The following OR2M4 variants were observed in gnomAD, a reference collection of about 807,000 sequenced individuals.
OR2M4 encodes olfactory receptor 2M4.
OR2M4 carries 8 observed loss-of-function variants against 13.7 expected under a neutral mutation model. The observed-to-expected ratio is 0.58, with a 90% confidence interval of 0.34 to 1.05. The LOEUF is 1.05. Among genes scored for constraint, OR2M4 ranks in the 50% least tolerant of loss-of-function variants. The pLI, the probability that OR2M4 is intolerant of heterozygous loss-of-function variation, is 0.02. For synonymous variants in OR2M4, 152 were observed against 141.3 expected (o/e 1.08, Z -0.53); for missense variants, 374 against 381.6 (o/e 0.98, Z 0.17).
At chr1:248,238,678 C>T (rs1430008292) in intron 1 of OR2M4, among the ~76,000 whole-genome samples, 1 of 152,086 alleles carries the variant, frequency 6.6e-6, no homozygotes, top group Non-Finnish European at 1.5e-5. Context: ...GCATTCTTGT[C>T]TGTAAAGTAA....
At chr1:248,235,710 C>T in intron 1 of OR2M4, among the ~76,000 whole-genome samples, 1 of 152,086 alleles carries the variant, frequency 6.6e-6, no homozygotes, top group African/African-American at 2.4e-5. Flanking sequence ...TGAAGGGGCC[C>T]TTCACATCCC....
At chr1:248,232,944 G>T (rs78349212) in intron 1 of OR2M4, among the ~76,000 whole-genome samples, 2,666 of 152,054 alleles carry the variant, frequency 0.018, 97 homozygotes, top group African/African-American at 0.06. Flanking sequence ...TTATTCTCTA[G>T]TTCAACATTT....
At chr1:248,238,776 T>G (rs1233879198) in intron 1 of OR2M4, 134 bp from the exon 2 acceptor site, 12 of 595,460 alleles carry the variant, frequency 2.0e-5, no homozygotes, top group Non-Finnish European at 3.3e-5. Context: ...CAATTTACCA[T>G]GACTAAAGGA....
chr1:248,241,660 G>A lies in OR2M4; in HGVS notation c.*1796G>A, dbSNP rs12133646. 65,441 of 151,938 alleles carry A rather than the reference G, an allele frequency of 0.43. 16,023 individuals carry two copies. Among genetic ancestry groups the A allele is most frequent in the Non-Finnish European group, 0.55 (37,496 of 67,990 alleles). The allele number at this position is 151,938 out of a possible 1,614,324, so 9.4% of individuals were successfully genotyped here. ...TCCCAGCACTTTGGGAGGCCGAGGC[G>A]GGCAGATTATCTGAGGTTGGGAGTT... is the stretch of plus-strand genomic sequence containing the variant. On this transcript the variant is annotated 3_prime_UTR_variant, in exon 2 of 2. Coordinates refer to ENST00000641868, the MANE Select transcript of OR2M4 (RefSeq NM_017504.2).
In OR2M4 at chr1:248,239,886, T is replaced by C; in HGVS notation, c.*22T>C. ...ATGACCTTATCAAAATCTTTTTGAG[T>C]GCCTACTGTGGTCAACACTCATTCA... On this transcript the variant is annotated 3_prime_UTR_variant, in exon 2 of 2. Coordinates refer to ENST00000641868, the MANE Select transcript of OR2M4 (RefSeq NM_017504.2). 3.4e-6 allele frequency: 5 copies of C among 1,467,778 alleles called. No individual in the cohort carries two copies. Among genetic ancestry groups the C allele is most frequent in the Non-Finnish European group, 4.6e-6 (5 of 1,079,030 alleles). The allele number at this position is 1,467,778 out of a possible 1,614,324, so 90.9% of individuals were successfully genotyped here.
rs908256158 is a variant in OR2M4 at position 248,243,050 on chromosome 1, C to G, written c.*3186C>G. On this transcript the variant is annotated 3_prime_UTR_variant, in exon 2 of 2. Transcript: ENST00000641868. ...TGTTTTGAGTATGTTTGGGACATTG[C>G]GTATATGTGAATCTAATTTTTCAAC... 6.6e-6 allele frequency: 1 copy of G among 151,378 alleles called. No homozygotes were observed. Among genetic ancestry groups the G allele is most frequent in the Non-Finnish European group, 1.5e-5 (1 of 67,924 alleles). The allele number at this position is 151,378 out of a possible 1,614,324, so 9.4% of individuals were successfully genotyped here.
At chr1:248,234,573 A>G (rs886513971) in intron 1 of OR2M4, among the ~76,000 whole-genome samples, 4 of 152,098 alleles carry the variant, frequency 2.6e-5, no homozygotes, top group Admixed American at 1.3e-4. Context: ...TTCCCATTCT[A>G]TAGGTTGCCT....
chr1:248,236,795 A>C (rs1161538690), intron 1 of OR2M4, among the ~76,000 whole-genome samples: 2 of 152,156 alleles, frequency 1.3e-5, no homozygotes, highest in Non-Finnish European at 2.9e-5. Context: ...ACCTCTACAC[A>C]AAAAACTAGA....
intron 1 of OR2M4, among the ~76,000 whole-genome samples, chr1:248,235,945 CAG>C (rs1327306026): frequency 6.6e-6 from 1 of 152,110 alleles, no homozygotes; most frequent in Admixed American, 6.6e-5. Flanking sequence ...CATCTGCAAA[CAG>C]AGACAATTTG....
chr1:248,242,459 CATG>C lies in OR2M4; in HGVS notation c.*2596_*2598del, dbSNP rs1334568160. On this transcript the variant is annotated 3_prime_UTR_variant, in exon 2 of 2. Coordinates refer to ENST00000641868, the MANE Select transcript of OR2M4 (RefSeq NM_017504.2). ...ATTTTTAGTAGAGACGGGATTTCAC[CATG>C]TTGGCCAGGATGGTCTCAATCTCTT... 6.6e-6 allele frequency: 1 copy of C among 152,184 alleles called. No individual in the cohort carries two copies. Among genetic ancestry groups the C allele is most frequent in the African/African-American group, 2.4e-5 (1 of 41,384 alleles). 9.4% of individuals were successfully genotyped at this position (152,184 alleles called of 1,614,324 possible).
rs1211237783 is a variant in OR2M4, at chr1:248,239,529, A to G, written c.601A>G (p.Ile201Val). 2.5e-6 allele frequency: 4 copies of G among 1,613,878 alleles called. No homozygotes were observed. In the African/African-American group the frequency reaches 4.0e-5, roughly 16 times the overall value. Residue 201 changes from isoleucine (I) to valine (V), a missense_variant, in exon 2 of 2, where the codon ATT becomes GTT. Transcript: ENST00000641868. ...ATCTGCATTTGAAAGACTACTTGTC[A>G]TTTGTTGTGTGGTAATGCTAATCTT... Reference protein sequence around the residue: ...ETSAFERLLVICCVVMLIFPV... With the variant: ...ETSAFERLLVVCCVVMLIFPV...
Position 248,239,062 on chromosome 1 carries a change from T to C in OR2M4, c.134T>C (p.Met45Thr). ...CTGGCATTGATGGAAAATATTTCCA[T>C]GGTTCTCCTCATCTACATAGAGAAA... ...FSLALMENIS[M>T]VLLIYIEKQL... Residue 45 changes from methionine (M) to threonine (T), a missense_variant, in exon 2 of 2, where the codon ATG (methionine) becomes ACG (threonine). Met to Thr is a moderately conservative substitution (Grantham distance 81). Transcript: ENST00000641868. 6.2e-7 allele frequency: 1 copy of C among 1,614,098 alleles called. No individual in the cohort carries two copies. Among genetic ancestry groups the C allele is most frequent in the South Asian group, 1.1e-5 (1 of 91,074 alleles).
At position 248,239,600 on chromosome 1, in the gene OR2M4, C is replaced by T. The variant is rs370403998; in HGVS notation, c.672C>T (p.Ala224=). The T allele has an allele frequency of 1.3e-5, 21 of 1,613,944 alleles. No homozygotes were observed. The highest frequency in any genetic ancestry group is 6.6e-5 in the South Asian group (6 of 91,088). The change falls in exon 2 of 2, where the codon GCC becomes GCT. Residue 224 remains alanine, a synonymous_variant. Coordinates refer to ENST00000641868, the MANE Select transcript of OR2M4 (RefSeq NM_017504.2). The part of the protein sequence containing the change: ...IILSYSHVLR[A]VIHMGSGESR... ...TTTCCTATTCCCATGTCCTTCGAGC[C>T]GTCATCCACATGGGCTCTGGGGAAA... is the stretch of plus-strand genomic sequence containing the variant.
In OR2M4 at chr1:248,238,935, TG is replaced by T; in HGVS notation, c.10del (p.Glu4LysfsTer36). On this transcript the variant is annotated frameshift_variant, in exon 2 of 2. Coordinates refer to ENST00000641868, the MANE Select transcript of OR2M4 (RefSeq NM_017504.2). LOFTEE classifies it high-confidence loss of function. MV[W>X]ENQTFNSIFI... ...ATAAGGCAAATTATCCAGGATGGTG[TG>T]GGAAAACCAGACCTTCAACTCCATC... is the stretch of plus-strand genomic sequence containing the variant. 6.3e-7 allele frequency: 1 copy of T among 1,589,716 alleles called. No homozygotes were observed. Among genetic ancestry groups the T allele is most frequent in the Non-Finnish European group, 8.5e-7 (1 of 1,169,662 alleles).
rs1269154201 is a variant in OR2M4 at position 248,241,738 on chromosome 1, A to G, written c.*1874A>G. On this transcript the variant is annotated 3_prime_UTR_variant, in exon 2 of 2. Coordinates refer to ENST00000641868, the MANE Select transcript of OR2M4 (RefSeq NM_017504.2). ...ATTTCATCTCGACTAAAAAAATACA[A>G]AATCAGCCGGGCGTGGTGGCCCATG... 1 of 151,952 alleles carries G rather than the reference A, an allele frequency of 6.6e-6. No individual in the cohort carries two copies. Among genetic ancestry groups the G allele is most frequent in the African/African-American group, 2.4e-5 (1 of 41,344 alleles). 9.4% of individuals were successfully genotyped at this position (151,952 alleles called of 1,614,324 possible).
At chr1:248,235,457 CT>C (rs781200531) in intron 1 of OR2M4, among the ~76,000 whole-genome samples, 28 of 152,026 alleles carry the variant, frequency 1.8e-4, no homozygotes, top group Non-Finnish European at 2.5e-4. Context: ...CAGCTTTGTT[CT>C]TTTTGCTTAG....
rs1211881149 is a variant in OR2M4 at position 248,241,737 on chromosome 1, A to C, written c.*1873A>C. 1.3e-5 allele frequency: 2 copies of C among 151,990 alleles called. No homozygotes were observed. Among genetic ancestry groups the C allele is most frequent in the African/African-American group, 4.8e-5 (2 of 41,372 alleles). The allele number at this position is 151,990 out of a possible 1,614,324, so 9.4% of individuals were successfully genotyped here. ...AATTTCATCTCGACTAAAAAAATAC[A>C]AAATCAGCCGGGCGTGGTGGCCCAT... On this transcript the variant is annotated 3_prime_UTR_variant, in exon 2 of 2. Transcript: ENST00000641868.
chr1:248,242,788 T>A lies in OR2M4; in HGVS notation c.*2924T>A, dbSNP rs908222489. 2 of 152,184 alleles carry A rather than the reference T, an allele frequency of 1.3e-5. No individual in the cohort carries two copies. The highest frequency in any genetic ancestry group is 2.9e-5 in the Non-Finnish European group (2 of 68,042). 9.4% of individuals were successfully genotyped at this position (152,184 alleles called of 1,614,324 possible). On this transcript the variant is annotated 3_prime_UTR_variant, in exon 2 of 2. Transcript: ENST00000641868. ...AAATTGAGCTTGAAATGGAAACATT[T>A]TATGATATGAATCGATAATGATTTT...
At chr1:248,237,656 A>AAAAC (rs2103022602) in intron 1 of OR2M4, among the ~76,000 whole-genome samples, 1 of 152,076 alleles carries the variant, frequency 6.6e-6, no homozygotes, top group African/African-American at 2.4e-5. Context: ...TGTCCCCCCC[A>AAAAC]AAAACAAAAC....
Sources: allele counts gnomAD v4.1 joint callset (sites outside exome capture counted in the v4.1 genomes callset), GRCh38; gene constraint gnomAD v4.1.1; transcripts MANE v1.5; gene names NCBI Gene and HGNC (gene_info 2026-07-23, HGNC 2026-07-21).